The following SLC9A9 variants were observed in gnomAD, a reference collection of about 807,000 sequenced individuals.
SLC9A9 encodes sodium/hydrogen exchanger 9.
A neutral mutation model predicts 77.8 loss-of-function variants in SLC9A9; 62 were observed. That is an observed-to-expected ratio of 0.80 (90% CI 0.65 to 0.98). The LOEUF is 0.98. SLC9A9 is among the 50% of genes least tolerant of loss of function. The probability of loss-of-function intolerance (pLI) is 0.00; values close to 1 mark genes in which losing one functional copy is unlikely to be tolerated. For synonymous variants in SLC9A9, 320 were observed against 283.5 expected (o/e 1.13, Z -1.29); for missense variants, 775 against 774.9 (o/e 1.00, Z 0.00).
chr3:143,352,594 TA>T (rs1270026179), intron 14 of SLC9A9, among the ~76,000 whole-genome samples: 10 of 152,200 alleles, frequency 6.6e-5, no homozygotes, highest in African/African-American at 2.4e-4. Flanking sequence ...GCTTTTTAGC[TA>T]AAAAACATTC....
chr3:143,784,237 A>T (rs754654713), intron 4 of SLC9A9, among the ~76,000 whole-genome samples: 16 of 152,186 alleles, frequency 1.1e-4, no homozygotes, highest in Non-Finnish European at 2.1e-4. Flanking sequence ...TAGTACCATA[A>T]AAACTTAGTG....
intron 6 of SLC9A9, among the ~76,000 whole-genome samples, chr3:143,640,033 T>C (rs915455711): frequency 1.0e-5 from 1 of 98,714 alleles, no homozygotes; most frequent in Non-Finnish European, 2.2e-5. Context: ...TTTTTTTTTT[T>C]TTTTTTGAGA....
chr3:143,796,906 G>A lies in SLC9A9; in HGVS notation c.379-3C>T. 1.2e-6 allele frequency: 2 copies of A among 1,609,614 alleles called. No individual in the cohort carries two copies. The highest frequency in any genetic ancestry group is 1.1e-5 in the South Asian group (1 of 90,728). ...AAGATTTCTGGATCAAATGTCATCT[G>A]CCAGAAAGGAAAAAAAGGATAGTTA... On this transcript the variant is annotated splice_polypyrimidine_tract_variant and splice_region_variant and intron_variant, in intron 2 of 15. Coordinates refer to ENST00000316549, the MANE Select transcript of SLC9A9 (RefSeq NM_173653.4).
At chr3:143,839,609 A>C (rs1306467339) in intron 1 of SLC9A9, among the ~76,000 whole-genome samples, 1 of 152,160 alleles carries the variant, frequency 6.6e-6, no homozygotes, top group Non-Finnish European at 1.5e-5. Flanking sequence ...ACATGCAAGC[A>C]CATACAAACA....
chr3:143,396,121 A>G (rs1052949305), intron 12 of SLC9A9, among the ~76,000 whole-genome samples: 1 of 152,232 alleles, frequency 6.6e-6, no homozygotes, highest in African/African-American at 2.4e-5. Flanking sequence ...AGGATTATAA[A>G]TCATGCTACT....
chr3:143,589,115 C>T (rs181974131), intron 6 of SLC9A9, among the ~76,000 whole-genome samples: 189 of 152,284 alleles, frequency 1.2e-3, no homozygotes, highest in African/African-American at 4.3e-3. Flanking sequence ...GTCAAATTCT[C>T]CAATGTTTAC....
intron 6 of SLC9A9, among the ~76,000 whole-genome samples, chr3:143,617,182 G>A (rs759488855): frequency 1.3e-5 from 2 of 152,222 alleles, no homozygotes; most frequent in Non-Finnish European, 2.9e-5. Context: ...GGAGTCTCTA[G>A]AGAAGTATCA....
chr3:143,359,282 G>C (rs1286490452), intron 14 of SLC9A9, among the ~76,000 whole-genome samples: 1 of 152,134 alleles, frequency 6.6e-6, no homozygotes, highest in Non-Finnish European at 1.5e-5. Context: ...ACATACCAGG[G>C]AATGAAAACA....
At chr3:143,759,164 G>C (rs1370002777) in intron 4 of SLC9A9, among the ~76,000 whole-genome samples, 1 of 152,050 alleles carries the variant, frequency 6.6e-6, no homozygotes, top group Non-Finnish European at 1.5e-5. Flanking sequence ...ATCTCATTAG[G>C]CTCCCCAGCC....
At chr3:143,663,954 C>T (rs991879920) in intron 5 of SLC9A9, among the ~76,000 whole-genome samples, 2 of 152,124 alleles carry the variant, frequency 1.3e-5, no homozygotes, top group African/African-American at 4.8e-5. Flanking sequence ...GGCAGGCCAA[C>T]ATTCAAATTC....
intron 12 of SLC9A9, among the ~76,000 whole-genome samples, chr3:143,411,802 A>G (rs1181544801): frequency 1.3e-5 from 2 of 151,872 alleles, no homozygotes; most frequent in Non-Finnish European, 2.9e-5. Context: ...TTCATTGCCT[A>G]TTCATTTTTG....
At chr3:143,679,624 A>G (rs1220665435) in intron 5 of SLC9A9, among the ~76,000 whole-genome samples, 2 of 152,190 alleles carry the variant, frequency 1.3e-5, no homozygotes, top group African/African-American at 2.4e-5. Flanking sequence ...GCTTAACATC[A>G]CTACCCTGGG....
Position 143,582,410 on chromosome 3 carries a change from C to A in SLC9A9, c.756-3687G>T, listed in dbSNP as rs115333606. On this transcript the variant is annotated intron_variant, in intron 6 of 15. Transcript: ENST00000316549. ...GTACTTATATGTACACTCAAATACT[C>A]AGTGAATGTTATTTATCCTCACCGT... 5.8e-3 allele frequency among the ~76,000 whole-genome samples: 883 copies of A among 152,272 alleles called. 3 individuals carry two copies. The highest frequency in any genetic ancestry group is 0.02 in the African/African-American group (843 of 41,558).
intron 6 of SLC9A9, among the ~76,000 whole-genome samples, chr3:143,624,072 T>C (rs901673203): frequency 9.2e-5 from 14 of 152,084 alleles, no homozygotes; most frequent in Non-Finnish European, 1.8e-4. Flanking sequence ...CAGGAAGAAG[T>C]TGAATCTCTG....
intron 4 of SLC9A9, among the ~76,000 whole-genome samples, chr3:143,726,314 T>G (rs540146218): frequency 1.3e-5 from 2 of 149,300 alleles, no homozygotes; most frequent in Non-Finnish European, 3.0e-5. Context: ...GAAGGGAAAC[T>G]AACTGCAAAT....
chr3:143,501,503 G>T (rs2035922792), intron 9 of SLC9A9, among the ~76,000 whole-genome samples: 1 of 150,798 alleles, frequency 6.6e-6, no homozygotes, highest in Non-Finnish European at 1.5e-5. Context: ...TTCTTTTTAA[G>T]CATAGTAAAA....
chr3:143,305,715 C>G (rs1418620468), intron 14 of SLC9A9, among the ~76,000 whole-genome samples: 1 of 152,152 alleles, frequency 6.6e-6, no homozygotes, highest in Non-Finnish European at 1.5e-5. Flanking sequence ...AAGATCAATT[C>G]TATTTAAAGC....
At chr3:143,747,853 T>C (rs978541392) in intron 4 of SLC9A9, among the ~76,000 whole-genome samples, 3 of 152,242 alleles carry the variant, frequency 2.0e-5, no homozygotes, top group African/African-American at 7.2e-5. Context: ...ACAATCATGC[T>C]GTATACATTA....
intron 4 of SLC9A9, among the ~76,000 whole-genome samples, chr3:143,733,204 G>A (rs973621518): frequency 4.6e-5 from 7 of 151,994 alleles, no homozygotes; most frequent in Non-Finnish European, 8.8e-5. Context: ...CCTAGGTTTT[G>A]AGTGTCAAAG....
Sources: allele counts gnomAD v4.1 joint callset (sites outside exome capture counted in the v4.1 genomes callset), GRCh38; gene constraint gnomAD v4.1.1; transcripts MANE v1.5; gene names NCBI Gene and HGNC (gene_info 2026-07-23, HGNC 2026-07-21).